EEF1AKMT1: variants seen among roughly 807,000 people sequenced by gnomAD.
EEF1AKMT1 encodes the protein N-6 adenine-specific DNA methyltransferase 2 (putative).
EEF1AKMT1 carries 18 observed loss-of-function variants against 21.0 expected under a neutral mutation model. That is an observed-to-expected ratio of 0.86 (90% CI 0.59 to 1.27). The LOEUF is 1.27. EEF1AKMT1 is among the 50% of genes most tolerant of loss of function. The pLI, the probability that EEF1AKMT1 is intolerant of heterozygous loss-of-function variation, is 0.00. For missense variants in EEF1AKMT1, 246 were observed against 258.6 expected (o/e 0.95, Z 0.33); for synonymous variants, 109 against 94.8 (o/e 1.15, Z -0.87).
intron 2 of EEF1AKMT1, among the ~76,000 whole-genome samples, chr13:20,742,821 G>A (rs1288057493): frequency 6.6e-6 from 1 of 152,136 alleles, no homozygotes; most frequent in Admixed American, 6.5e-5. Context: ...TTTGCCTACA[G>A]GTGTGTTTCC....
intron 1 of EEF1AKMT1, 61 bp downstream of exon 1, chr13:20,773,860 G>A (rs191590578): frequency 2.6e-5 from 4 of 152,550 alleles, no homozygotes; most frequent in Non-Finnish European, 4.4e-5. Context: ...ACCTAACCCA[G>A]TCCAAAACGC....
chr13:20,767,639 T>C (rs2059042267), intron 1 of EEF1AKMT1, among the ~76,000 whole-genome samples: 2 of 152,162 alleles, frequency 1.3e-5, no homozygotes, highest in Admixed American at 6.5e-5. Flanking sequence ...TTGATTATGA[T>C]GTGCCTTGGT....
chr13:20,761,413 T>C (rs2059001037), intron 1 of EEF1AKMT1, among the ~76,000 whole-genome samples: 1 of 152,226 alleles, frequency 6.6e-6, no homozygotes, highest in Non-Finnish European at 1.5e-5. Context: ...AGTTTATTCC[T>C]TTTTATTGCT....
chr13:20,742,093 T>A (rs1482844709), intron 2 of EEF1AKMT1, among the ~76,000 whole-genome samples: 1 of 152,124 alleles, frequency 6.6e-6, no homozygotes. Flanking sequence ...TTTTTAGAAA[T>A]GGAATTCGTG....
Position 20,757,449 on chromosome 13 carries a change from A to C in EEF1AKMT1, c.144+6T>G, listed in dbSNP as rs1195677782. ...TTCCTGATGGCTGTGAAATGCATTT[A>C]CTTACCCAATTCTCTTCTATTATTC... On this transcript the variant is annotated splice_donor_region_variant and intron_variant, in intron 2 of 4. Coordinates refer to ENST00000382758, the MANE Select transcript of EEF1AKMT1 (RefSeq NM_001318939.2). The C allele has an allele frequency of 9.3e-6, 15 of 1,613,810 alleles. No individual in the cohort carries two copies. The South Asian group carries it at 1.3e-4, about 14-fold the overall frequency.
chr13:20,767,375 C>T (rs990119659), intron 1 of EEF1AKMT1, among the ~76,000 whole-genome samples: 4 of 146,172 alleles, frequency 2.7e-5, no homozygotes, highest in Admixed American at 6.9e-5. Context: ...TGAATGACTT[C>T]GTTGAACATT....
At chr13:20,740,554 C>T (rs2058863736) in intron 2 of EEF1AKMT1, among the ~76,000 whole-genome samples, 1 of 152,244 alleles carries the variant, frequency 6.6e-6, no homozygotes, top group South Asian at 2.1e-4. Context: ...CCTGTAATCC[C>T]AGCACTTTGG....
intron 1 of EEF1AKMT1, among the ~76,000 whole-genome samples, chr13:20,758,669 A>T (rs1330181360): frequency 6.6e-6 from 1 of 152,300 alleles, no homozygotes; most frequent in Admixed American, 6.5e-5. Context: ...AATTAAAAAA[A>T]ATTCTAAAAT....
At chr13:20,766,506 T>G (rs1038954977) in intron 1 of EEF1AKMT1, among the ~76,000 whole-genome samples, 33 of 152,094 alleles carry the variant, frequency 2.2e-4, no homozygotes, top group African/African-American at 7.2e-4. Context: ...TGTGACTCTG[T>G]TATTTAAGAG....
Position 20,764,182 on chromosome 13 carries a change from C to A in EEF1AKMT1, c.-19-6565G>T, listed in dbSNP as rs143738916. 3.5e-4 allele frequency among the ~76,000 whole-genome samples: 53 copies of A among 152,224 alleles called. No individual in the cohort carries two copies. The East Asian group carries it at 9.7e-3, about 28-fold the overall frequency. On this transcript the variant is annotated intron_variant, in intron 1 of 4. Coordinates refer to ENST00000382758, the MANE Select transcript of EEF1AKMT1 (RefSeq NM_001318939.2). ...GGGAGTTTAGAACACTGTTTTGAGA[C>A]CTTTCTTCTAATTTAAGTGTTCAGT...
chr13:20,737,647 T>A, intron 3 of EEF1AKMT1, 76 bp downstream of exon 3: 1 of 1,252,450 alleles, frequency 8.0e-7, no homozygotes, highest in Non-Finnish European at 1.1e-6. Flanking sequence ...TCAGACTTCT[T>A]ACAAACCATC....
chr13:20,767,406 G>A (rs747683690), intron 1 of EEF1AKMT1, among the ~76,000 whole-genome samples: 2 of 150,902 alleles, frequency 1.3e-5, no homozygotes, highest in Non-Finnish European at 2.9e-5. Context: ...TAATTCTGCT[G>A]GTGATGCATT....
intron 4 of EEF1AKMT1, among the ~76,000 whole-genome samples, chr13:20,730,106 C>T (rs1280934233): frequency 6.6e-6 from 1 of 152,242 alleles, no homozygotes; most frequent in African/African-American, 2.4e-5. Context: ...GTCTCTGTTA[C>T]TCTTCTCAGA....
At chr13:20,743,328 A>G (rs1041422060) in intron 2 of EEF1AKMT1, among the ~76,000 whole-genome samples, 9 of 152,156 alleles carry the variant, frequency 5.9e-5, no homozygotes, top group Admixed American at 2.6e-4. Flanking sequence ...TGGCCTCCCA[A>G]AGTGCTGGGA....
chr13:20,730,957 C>G (rs1444798355), intron 4 of EEF1AKMT1, among the ~76,000 whole-genome samples: 1 of 152,206 alleles, frequency 6.6e-6, no homozygotes, highest in African/African-American at 2.4e-5. Flanking sequence ...ACACATACCG[C>G]AAGGGTCTGC....
chr13:20,766,406 T>C (rs1272651830), intron 1 of EEF1AKMT1, among the ~76,000 whole-genome samples: 2 of 152,034 alleles, frequency 1.3e-5, no homozygotes, highest in Admixed American at 1.3e-4. Context: ...GTATATAATG[T>C]TGTATATTCC....
intron 2 of EEF1AKMT1, among the ~76,000 whole-genome samples, chr13:20,738,562 T>A (rs1454496669): frequency 1.3e-5 from 2 of 152,182 alleles, no homozygotes; most frequent in East Asian, 1.9e-4. Context: ...GCTTTAAAAA[T>A]CTGCCCTGTG....
chr13:20,766,679 A>T (rs1420482398), intron 1 of EEF1AKMT1, among the ~76,000 whole-genome samples: 4 of 152,014 alleles, frequency 2.6e-5, no homozygotes, highest in Admixed American at 2.6e-4. Flanking sequence ...AAAATTAGCC[A>T]GGTGTGATGG....
In EEF1AKMT1 at chr13:20,729,180, C is replaced by T. The variant is rs767768414; in HGVS notation, c.545G>A (p.Gly182Glu). The T allele has an allele frequency of 1.1e-5, 17 of 1,614,014 alleles. No individual in the cohort carries two copies. In the Admixed American group the frequency reaches 2.8e-4, roughly 27 times the overall value. The change falls in exon 5 of 5, where the codon GGA becomes GAA. Residue 182 changes from glycine to glutamate, a missense_variant. Gly to Glu is a moderately conservative substitution (Grantham distance 98). Coordinates refer to ENST00000382758, the MANE Select transcript of EEF1AKMT1 (RefSeq NM_001318939.2). ...IMEEQAAELL[G>E]VKMCTFVPRH... The stretch of plus-strand genomic sequence containing the variant: ...TGGAACAAACGTGCACATCTTCACT[C>T]CAAGGAGTTCTGCTGCCTGTTCTTC...
Sources: gnomAD v4.1 joint callset for allele counts (sites outside exome capture counted in the v4.1 genomes callset) on GRCh38, gnomAD v4.1.1 for gene constraint, MANE v1.5 for transcripts, NCBI Gene and HGNC (gene_info 2026-07-23, HGNC 2026-07-21) for gene names.